The following DENND2B variants were observed in gnomAD, a reference collection of about 807,000 sequenced individuals.
DENND2B encodes the protein DENN domain containing 2B.
Under a neutral mutation model 116.0 loss-of-function variants are expected in DENND2B, and 32 were observed. That is an observed-to-expected ratio of 0.28 (90% CI 0.21 to 0.37). DENND2B has a LOEUF of 0.37. DENND2B is among the 10% of genes least tolerant of loss of function. DENND2B has a pLI of 1.00. For missense variants in DENND2B, 1,276 were observed against 1,477.7 expected, an observed-to-expected ratio of 0.86 and a Z score of 2.24; for synonymous variants, 588 against 583.9, an observed-to-expected ratio of 1.01 and a Z score of -0.10.
chr11:8,808,923 G>C (rs3850935), intron 1 of DENND2B: 145,483 of 152,262 alleles, frequency 0.96, 69,846 homozygotes, highest in East Asian at 1. Context: ...AGAAGGAGCA[G>C]CAGCTCCTGA....
chr11:8,792,034 C>T (rs1423971721), intron 1 of DENND2B, among the ~76,000 whole-genome samples: 1 of 151,996 alleles, frequency 6.6e-6, no homozygotes, highest in Admixed American at 6.6e-5. Flanking sequence ...GGTGAAACCC[C>T]GTCTCTACAA....
At chr11:8,860,399 A>G (rs1566061228) in intron 2 of DENND2B, among the ~76,000 whole-genome samples, 1 of 152,272 alleles carries the variant, frequency 6.6e-6, no homozygotes, top group African/African-American at 2.4e-5. Flanking sequence ...ATATACCAAC[A>G]ACCACCAAGA....
At position 8,730,311 on chromosome 11, in the gene DENND2B, C is replaced by T. The variant is rs771638687; in HGVS notation, c.979G>A (p.Ala327Thr). ...TGTLGSLEEP[A>T]GGASVSAGSR... Reference sequence around the variant, plus strand: ...CCAGCGCTCACACTCGCGCCCCCTGCCGGCTCCTCCAAGGAGCCCAAGGTT... The same window carrying T: ...CCAGCGCTCACACTCGCGCCCCCTGTCGGCTCCTCCAAGGAGCCCAAGGTT... Residue 327 changes from alanine (A) to threonine (T), a missense_variant, in exon 3 of 20, where the codon GCA becomes ACA. Physicochemically the swap from Ala to Thr is moderately conservative, Grantham distance 58. Coordinates refer to ENST00000313726, the MANE Select transcript of DENND2B (RefSeq NM_213618.2). This position sits in a 1 kb window ranked among gnomAD's most constrained non-coding sequence, Gnocchi z 4.1. The T allele has an allele frequency of 3.1e-6, 5 of 1,602,222 alleles. No homozygotes were observed. Among genetic ancestry groups the T allele is most frequent in the Admixed American group, 1.7e-5 (1 of 59,444 alleles).
chr11:8,854,358 C>A (rs912118523), intron 3 of DENND2B, among the ~76,000 whole-genome samples: 2 of 151,876 alleles, frequency 1.3e-5, no homozygotes, highest in Non-Finnish European at 1.5e-5. Context: ...TGCACCACCA[C>A]GACCAGCTAA....
chr11:8,743,183 T>C (rs1260626024), intron 2 of DENND2B, among the ~76,000 whole-genome samples: 4 of 152,182 alleles, frequency 2.6e-5, no homozygotes, highest in African/African-American at 7.2e-5. Context: ...ATATAATTTA[T>C]TGTACTTTAA....
chr11:8,704,338 T>C (rs1017572190), intron 13 of DENND2B, among the ~76,000 whole-genome samples: 1 of 152,084 alleles, frequency 6.6e-6, no homozygotes, highest in Non-Finnish European at 1.5e-5. Flanking sequence ...AGAAGAGAAG[T>C]GTCTTCTAGG....
chr11:8,694,426 G>A (rs2039954477), intron 19 of DENND2B: 4 of 468,500 alleles, frequency 8.5e-6, no homozygotes, highest in Non-Finnish European at 1.6e-5. Flanking sequence ...GCAGGGAGGG[G>A]TGCATTTTGC....
chr11:8,906,104 T>C (rs1214357152), intron 1 of DENND2B, among the ~76,000 whole-genome samples: 1 of 152,014 alleles, frequency 6.6e-6, no homozygotes, highest in Non-Finnish European at 1.5e-5. Context: ...TTTGGTGATG[T>C]TGACAACTCT....
chr11:8,756,028 G>A (rs2053550772), intron 1 of DENND2B, among the ~76,000 whole-genome samples: 1 of 152,140 alleles, frequency 6.6e-6, no homozygotes, highest in Admixed American at 6.5e-5. Flanking sequence ...AGGGTCCTCA[G>A]GAAGCACAGT....
rs147231541 is a variant in DENND2B at position 8,723,141 on chromosome 11, A to G, written c.1477+2932T>C. 1.1e-3 allele frequency among the ~76,000 whole-genome samples: 170 copies of G among 151,674 alleles called. 2 individuals are homozygous for G. In the Middle Eastern group the frequency reaches 0.027, roughly 24 times the overall value. On this transcript the variant is annotated intron_variant, in intron 4 of 19. Coordinates refer to ENST00000313726, the MANE Select transcript of DENND2B (RefSeq NM_213618.2). Reference sequence around the variant, plus strand: ...AGTTTGGCAGAAACTGCAATGTGTCAGTTTGCTGCCCAGGACCCTGGGAGC... The same window carrying G: ...AGTTTGGCAGAAACTGCAATGTGTCGGTTTGCTGCCCAGGACCCTGGGAGC...
At chr11:8,902,371 C>T (rs957965829) in intron 1 of DENND2B, among the ~76,000 whole-genome samples, 2 of 151,464 alleles carry the variant, frequency 1.3e-5, no homozygotes, top group Non-Finnish European at 2.9e-5. Flanking sequence ...CCAACTACCA[C>T]TGTTGAATTG....
At chr11:8,825,910 T>C (rs1423770624) in intron 4 of DENND2B, among the ~76,000 whole-genome samples, 1 of 152,220 alleles carries the variant, frequency 6.6e-6, no homozygotes, top group Non-Finnish European at 1.5e-5. Context: ...CTCTGCTCCA[T>C]TCTGGTTAGA....
intron 1 of DENND2B, among the ~76,000 whole-genome samples, chr11:8,893,705 T>A (rs1028651464): frequency 9.9e-5 from 15 of 152,102 alleles, no homozygotes; most frequent in African/African-American, 3.6e-4. Flanking sequence ...GTGAAGGACC[T>A]CTTCAAGGAG....
rs1324802914 is a variant in DENND2B at position 8,729,943 on chromosome 11, G to C, written c.1340+7C>G. ...CAGCTACAACACACCGGAGGGGCAT[G>C]CATTACCTGCTCTGGGACTTGCGGT... On this transcript the variant is annotated splice_region_variant and intron_variant, in intron 3 of 19. Transcript: ENST00000313726. The C allele has an allele frequency of 4.3e-6, 7 of 1,613,600 alleles. No individual in the cohort carries two copies. In the South Asian group the frequency reaches 7.7e-5, roughly 18 times the overall value.
intron 1 of DENND2B, among the ~76,000 whole-genome samples, chr11:8,780,445 T>C (rs1197728672): frequency 6.6e-6 from 1 of 152,220 alleles, no homozygotes; most frequent in Non-Finnish European, 1.5e-5. Flanking sequence ...ACCCTTGTGC[T>C]AGGCCTGGAA....
At chr11:8,906,076 A>G (rs2064232125) in intron 1 of DENND2B, among the ~76,000 whole-genome samples, 1 of 151,956 alleles carries the variant, frequency 6.6e-6, no homozygotes, top group Non-Finnish European at 1.5e-5. Context: ...AGGTAATGAC[A>G]GTGTTCCAAA....
At chr11:8,740,792 T>C (rs935120045) in intron 2 of DENND2B, among the ~76,000 whole-genome samples, 1 of 152,220 alleles carries the variant, frequency 6.6e-6, no homozygotes, top group East Asian at 1.9e-4. Flanking sequence ...AGGGCCCTGT[T>C]GGCTTGGTGG....
chr11:8,798,507 A>T (rs2060027021), intron 1 of DENND2B, among the ~76,000 whole-genome samples: 1 of 152,218 alleles, frequency 6.6e-6, no homozygotes, highest in South Asian at 2.1e-4. Context: ...ACCCAGGAGG[A>T]TGGCACAGGT....
chr11:8,734,879 AAC>A (rs1056913896), intron 2 of DENND2B, among the ~76,000 whole-genome samples: 1 of 151,760 alleles, frequency 6.6e-6, no homozygotes, highest in Admixed American at 6.6e-5. Context: ...CTTGGGGCCT[AAC>A]ACACAGTGTT....
Sources: allele counts gnomAD v4.1 joint callset (sites outside exome capture counted in the v4.1 genomes callset), GRCh38; gene constraint gnomAD v4.1.1; non-coding constraint Gnocchi (gnomAD v3.1); transcripts MANE v1.5; gene names NCBI Gene and HGNC (gene_info 2026-07-23, HGNC 2026-07-21).